CABIN1: variants seen among roughly 807,000 people sequenced by gnomAD.
CABIN1 encodes the protein calcineurin binding protein 1.
Under a neutral mutation model 227.7 loss-of-function variants are expected in CABIN1, and 133 were observed. That is an observed-to-expected ratio of 0.58 (90% confidence interval 0.51 to 0.67). The LOEUF is 0.67. CABIN1 is among the 30% of genes least tolerant of loss of function. CABIN1 has a pLI of 0.00. For missense variants in CABIN1, 2,408 were observed against 2,852.5 expected, an observed-to-expected ratio of 0.84 and a Z score of 3.55; for synonymous variants, 1,086 against 1,155.1, an observed-to-expected ratio of 0.94 and a Z score of 1.21.
At chr22:24,107,456 A>G (rs2042578421) in intron 26 of CABIN1, among the ~76,000 whole-genome samples, 4 of 152,192 alleles carry the variant, frequency 2.6e-5, no homozygotes, top group Admixed American at 2.6e-4. Flanking sequence ...TGTCCCTGCC[A>G]GGTCCCTTGG....
intron 18 of CABIN1, among the ~76,000 whole-genome samples, chr22:24,073,837 T>C (rs1247839651): frequency 6.6e-6 from 1 of 152,126 alleles, no homozygotes; most frequent in African/African-American, 2.4e-5. Context: ...CAAAAGGCTT[T>C]TATTTTCTGT....
chr22:24,137,769 G>T (rs990573323), intron 29 of CABIN1, among the ~76,000 whole-genome samples: 2 of 151,848 alleles, frequency 1.3e-5, no homozygotes, highest in Non-Finnish European at 2.9e-5. Context: ...GAGTCTATCT[G>T]GCATATTCCC....
In CABIN1 at chr22:24,144,634, A is replaced by G. The variant is rs1338958174; in HGVS notation, c.4746+10219A>G. ...CTGGCCCCAATTTGTAGAAACCACAAGTAAATCTCCTCCACATTTGACTTC... is the reference window on the plus strand; with the variant it reads ...CTGGCCCCAATTTGTAGAAACCACAGGTAAATCTCCTCCACATTTGACTTC... On this transcript the variant is annotated intron_variant, in intron 29 of 36. Transcript: ENST00000263119. 2.6e-5 allele frequency among the ~76,000 whole-genome samples: 4 copies of G among 152,368 alleles called. No individual in the cohort carries two copies. The East Asian group carries it at 7.7e-4, about 29-fold the overall frequency.
intron 27 of CABIN1, among the ~76,000 whole-genome samples, chr22:24,114,623 G>A (rs1315635579): frequency 6.6e-6 from 1 of 152,210 alleles, no homozygotes; most frequent in African/African-American, 2.4e-5. Flanking sequence ...ACCTCTCCGG[G>A]TGGGATGGAT....
chr22:24,115,889 C>T (rs2043055776), intron 27 of CABIN1, among the ~76,000 whole-genome samples: 1 of 152,150 alleles, frequency 6.6e-6, no homozygotes. Flanking sequence ...CTCACTCACG[C>T]GTATTTGTTA....
chr22:24,143,747 A>T (rs576637505), intron 29 of CABIN1, among the ~76,000 whole-genome samples: 9 of 152,164 alleles, frequency 5.9e-5, no homozygotes, highest in African/African-American at 9.7e-5. Context: ...AGGTACTATT[A>T]TCATCCTCAT....
chr22:24,093,181 G>A (rs940434634), intron 24 of CABIN1, among the ~76,000 whole-genome samples: 1 of 152,226 alleles, frequency 6.6e-6, no homozygotes, highest in African/African-American at 2.4e-5. Context: ...ACTGACTGAT[G>A]AGAGTGTTTG....
intron 34 of CABIN1, among the ~76,000 whole-genome samples, chr22:24,172,909 G>A (rs904375906): frequency 1.3e-5 from 2 of 152,200 alleles, no homozygotes; most frequent in African/African-American, 4.8e-5. Flanking sequence ...CAGGACTCTA[G>A]GACCATGTGG....
chr22:24,069,710 C>G (rs999913596), intron 16 of CABIN1, among the ~76,000 whole-genome samples: 1 of 152,172 alleles, frequency 6.6e-6, no homozygotes, highest in African/African-American at 2.4e-5. Context: ...CTGGCTTTCT[C>G]TAATGAAACA....
At chr22:24,024,403 G>GT (rs1231733950) in intron 1 of CABIN1, among the ~76,000 whole-genome samples, 2 of 152,118 alleles carry the variant, frequency 1.3e-5, no homozygotes, top group South Asian at 4.1e-4. Flanking sequence ...TTTTCCATAT[G>GT]TTTTTTCCTA....
chr22:24,163,369 C>T (rs2046266557), intron 29 of CABIN1, among the ~76,000 whole-genome samples: 1 of 152,148 alleles, frequency 6.6e-6, no homozygotes, highest in Non-Finnish European at 1.5e-5. Context: ...GGATAATCAG[C>T]AAGGACCCAC....
rs777002435 is a variant in CABIN1, at chr22:24,177,675, C to T, written c.6377C>T (p.Ser2126Phe). The change falls in exon 36 of 37, where the codon TCC becomes TTC. Residue 2126 changes from serine (S) to phenylalanine (F), a missense_variant. Physicochemically the swap from Ser to Phe is radical, Grantham distance 155. This residue lies in a region of CABIN1 where 714 missense variants were observed against 773.8 expected (regional missense o/e 0.92). Coordinates refer to ENST00000263119, the MANE Select transcript of CABIN1 (RefSeq NM_012295.4). The surrounding 1 kb of genome is among the most constrained non-coding windows in gnomAD (Gnocchi z 4.4). ...PGKPEPSRAK[S>F]RPLPNMPKLV... Reference sequence around the variant, plus strand: ...AAGCCTGAGCCCAGCCGGGCTAAGTCCCGCCCCCTGCCCAACATGCCAAAG... The same window carrying T: ...AAGCCTGAGCCCAGCCGGGCTAAGTTCCGCCCCCTGCCCAACATGCCAAAG... 3.7e-6 allele frequency: 6 copies of T among 1,613,836 alleles called. No homozygotes were observed. The highest frequency in any genetic ancestry group is 5.1e-6 in the Non-Finnish European group (6 of 1,179,904).
At chr22:24,109,907 C>T (rs933285104) in intron 26 of CABIN1, among the ~76,000 whole-genome samples, 10 of 152,208 alleles carry the variant, frequency 6.6e-5, no homozygotes, top group African/African-American at 9.6e-5. Flanking sequence ...TGGTGGCTCA[C>T]GCCTGTAATC....
intron 29 of CABIN1, among the ~76,000 whole-genome samples, chr22:24,140,463 G>A (rs1602307717): frequency 6.6e-6 from 1 of 152,166 alleles, no homozygotes; most frequent in East Asian, 1.9e-4. Flanking sequence ...TGGAGGCTGA[G>A]GGTTTGTGTC....
chr22:24,048,674 G>A (rs1476128623), intron 6 of CABIN1, among the ~76,000 whole-genome samples: 1 of 152,206 alleles, frequency 6.6e-6, no homozygotes, highest in African/African-American at 2.4e-5. Flanking sequence ...GCCCAACTCG[G>A]CCTCTAGAGT....
intron 1 of CABIN1, among the ~76,000 whole-genome samples, chr22:24,022,524 G>A (rs1175478973): frequency 1.3e-5 from 2 of 152,124 alleles, no homozygotes; most frequent in Non-Finnish European, 2.9e-5. Context: ...GGATATTTGA[G>A]TTGTTTCCAG....
chr22:24,102,984 T>A (rs928211735), intron 26 of CABIN1: 3 of 152,574 alleles, frequency 2.0e-5, no homozygotes, highest in African/African-American at 7.3e-5. Flanking sequence ...CCATGCTGCC[T>A]CCACCAATAT....
At chr22:24,140,443 A>C (rs930419570) in intron 29 of CABIN1, among the ~76,000 whole-genome samples, 2 of 152,086 alleles carry the variant, frequency 1.3e-5, no homozygotes, top group African/African-American at 4.8e-5. Flanking sequence ...TGGGGTGGCT[A>C]CCCACACCAT....
At chr22:24,037,530 C>T (rs543245024) in intron 3 of CABIN1, among the ~76,000 whole-genome samples, 65 of 152,176 alleles carry the variant, frequency 4.3e-4, no homozygotes, top group African/African-American at 1.5e-3. Context: ...TGGCCATGAA[C>T]TCCTCGGTTC....
Sources: gnomAD v4.1 joint callset for allele counts (sites outside exome capture counted in the v4.1 genomes callset) on GRCh38, gnomAD v4.1.1 for gene constraint, gnomAD v4.1.1 regional missense constraint, Gnocchi (gnomAD v3.1) non-coding constraint, MANE v1.5 for transcripts, NCBI Gene and HGNC (gene_info 2026-07-23, HGNC 2026-07-21) for gene names.